Variants in MYH3 observed in about 807,000 individuals in gnomAD.
MYH3 encodes myosin-3.
A neutral mutation model predicts 238.0 loss-of-function variants in MYH3; 130 were observed. The observed-to-expected ratio is 0.55, with a 90% CI of 0.47 to 0.63. The LOEUF (loss-of-function observed/expected upper bound fraction) is 0.63, where lower values mean the gene tolerates loss of function less well. MYH3 is among the 30% of genes least tolerant of loss of function. The pLI is 0.00. For synonymous variants in MYH3, 880 were observed against 924.1 expected, an observed-to-expected ratio of 0.95 and a Z score of 0.86; for missense variants, 1,853 against 2,374.9, an observed-to-expected ratio of 0.78 and a Z score of 4.57.
the MYH3 span, chr17:10,677,736 T>A: frequency 1.3e-5 from 2 of 152,224 alleles, no homozygotes; most frequent in African/African-American, 4.8e-5. Context: ...ACAAGTGGCA[T>A]TTCTTAAAAT....
At chr17:10,672,183 C>G in the MYH3 span, among the ~76,000 whole-genome samples, 1 of 152,180 alleles carries the variant, frequency 6.6e-6, no homozygotes, top group African/African-American at 2.4e-5. Flanking sequence ...AAGAACCTAA[C>G]TTGTTTCATT....
chr17:10,642,304 C>T lies in MYH3; in HGVS notation c.1895G>A (p.Ser632Asn), dbSNP rs147810911. ...CTTCTTGGCAACTTTCTTCTTTCCACTGTCAGCTGAAAGCAATAAGGGAGG... is the reference window on the plus strand; with the variant it reads ...CTTCTTGGCAACTTTCTTCTTTCCATTGTCAGCTGAAAGCAATAAGGGAGG... ...YATFATADAD[S>N]GKKKVAKKKG... Residue 632 changes from serine (S) to asparagine (N), a missense_variant, in exon 17 of 41, where the codon AGT becomes AAT. By Grantham distance (46) the Ser-to-Asn change is conservative (BLOSUM62 1). Transcript: ENST00000583535. The surrounding 1 kb of genome is among the most constrained non-coding windows in gnomAD (Gnocchi z 5.4). 2 of 1,614,148 alleles carry T rather than the reference C, an allele frequency of 1.2e-6. No homozygotes were observed. Among genetic ancestry groups the T allele is most frequent in the African/African-American group, 1.3e-5 (1 of 75,046 alleles).
rs1567550934 is a variant in MYH3, at chr17:10,630,408, G to A, written c.5337C>T (p.His1779=). 3 of 1,614,148 alleles carry A rather than the reference G, an allele frequency of 1.9e-6. No homozygotes were observed. Among genetic ancestry groups the A allele is most frequent in the East Asian group, 4.5e-5 (2 of 44,872 alleles). Residue 1779 remains histidine (H), a synonymous_variant, in exon 37 of 41, where the codon CAC becomes CAT. Transcript: ENST00000583535. ...ELKKEQDTSA[H]LERMKKNLEQ... ...CCAGGTTCTTCTTCATCCGCTCAAG[G>A]TGGGCGCTGGTGTCCTGCTCCTTCT...
chr17:10,670,276 C>A, the MYH3 span, among the ~76,000 whole-genome samples: 3 of 152,324 alleles, frequency 2.0e-5, no homozygotes, highest in East Asian at 5.8e-4. This position sits in a 1 kb window ranked among gnomAD's most constrained non-coding sequence, Gnocchi z 7.0. Flanking sequence ...ACAACCCCTG[C>A]AGGCATCATC....
chr17:10,638,913 G>A lies in MYH3; in HGVS notation c.3299C>T (p.Thr1100Ile), dbSNP rs2074243127. 5.0e-6 allele frequency: 8 copies of A among 1,614,190 alleles called. No individual in the cohort carries two copies. The highest frequency in any genetic ancestry group is 6.8e-6 in the Non-Finnish European group (8 of 1,180,024). The change falls in exon 26 of 41, where the codon ACA (threonine) becomes ATA (isoleucine). Residue 1100 changes from threonine (T) to isoleucine (I), a missense_variant. Physicochemically the swap from Thr to Ile is moderately conservative, Grantham distance 89 (BLOSUM62 -1). Coordinates refer to ENST00000583535, the MANE Select transcript of MYH3 (RefSeq NM_002470.4). ...TTTCTTCTGAAACTGGAGGCCCAGT[G>A]TCTGCTCATCTTCCACTTTGCTTTG... Reference protein sequence around the residue: ...QLQSKVEDEQTLGLQFQKKIK... With the variant: ...QLQSKVEDEQILGLQFQKKIK...
At chr17:10,637,248 C>T (rs2074224414) in intron 28 of MYH3, among the ~76,000 whole-genome samples, 2 of 151,946 alleles carry the variant, frequency 1.3e-5, no homozygotes, top group South Asian at 2.1e-4. Flanking sequence ...TTAATAGAGA[C>T]GGGGTTTCAC....
chr17:10,632,374 C>T (rs1452396194), intron 34 of MYH3, 102 bp downstream of exon 34: 18 of 1,337,484 alleles, frequency 1.3e-5, no homozygotes, highest in Non-Finnish European at 1.9e-5. Context: ...TTGCCTCAGT[C>T]TCCCAGAGCG....
At chr17:10,659,932 T>A (rs928541747), upstream of MYH3, among the ~76,000 whole-genome samples, 1 of 152,156 alleles carries the variant, frequency 6.6e-6, no homozygotes, top group African/African-American at 2.4e-5. Context: ...AAGCTGGATA[T>A]CAGGAATCAC....
At position 10,654,856 on chromosome 17, in the gene MYH3, C is replaced by T; in HGVS notation, c.204+5G>A. ...CAGCAGCCTGTGGAGGGTACAGAGC[C>T]TTACCCTGTTGTCCTCAGTTTCCAC... On this transcript the variant is annotated splice_donor_5th_base_variant and intron_variant, in intron 3 of 40. Transcript: ENST00000583535. The surrounding 1 kb of genome is among the most constrained non-coding windows in gnomAD (Gnocchi z 4.5). 1 of 1,613,172 alleles carries T rather than the reference C, an allele frequency of 6.2e-7. No homozygotes were observed. Among genetic ancestry groups the T allele is most frequent in the Non-Finnish European group, 8.5e-7 (1 of 1,179,118 alleles).
Position 10,653,959 on chromosome 17 carries a change from G to A in MYH3, c.204+902C>T, listed in dbSNP as rs78967514. Among the ~76,000 whole-genome samples the A allele has an allele frequency of 5.8e-3, 887 of 152,098 alleles. 10 individuals are homozygous for A. The highest frequency in any genetic ancestry group is 0.02 in the African/African-American group (834 of 41,498). The stretch of plus-strand genomic sequence containing the variant: ...CCAATGCTTGGTAGCACTGCAGGGC[G>A]GTTCTTATTTTTTGGGGGGACCGAG... On this transcript the variant is annotated intron_variant, in intron 3 of 40. Coordinates refer to ENST00000583535, the MANE Select transcript of MYH3 (RefSeq NM_002470.4).
chr17:10,657,988 G>T (rs1305235546), upstream of MYH3, among the ~76,000 whole-genome samples: 2 of 152,102 alleles, frequency 1.3e-5, no homozygotes, highest in Non-Finnish European at 2.9e-5. Context: ...GGACCAGCCA[G>T]TTAAGTTAGT....
Position 10,639,136 on chromosome 17 carries a change from G to T in MYH3, c.3156C>A (p.Asn1052Lys). Residue 1052 changes from asparagine (N) to lysine (K), a missense_variant, in exon 25 of 41, where the codon AAC becomes AAA. Asn to Lys is a moderately conservative substitution (Grantham distance 94). This residue lies in a region of MYH3 where 1,044 missense variants were observed against 1,192.6 expected (regional missense o/e 0.88). Transcript: ENST00000583535. Reference protein sequence around the residue: ...EKKLRVDLERNKRKLEGDLKL... With the variant: ...EKKLRVDLERKKRKLEGDLKL... ...TCAAGTCTCCTTCCAATTTCCTTTT[G>T]TTCCTTTCCAGGTCTACTCGGAGCT... The T allele has an allele frequency of 6.2e-7, 1 of 1,614,076 alleles. No homozygotes were observed. The highest frequency in any genetic ancestry group is 8.5e-7 in the Non-Finnish European group (1 of 1,179,964).
rs2074245157 is a variant in MYH3 at position 10,639,124 on chromosome 17, C to T, written c.3168G>A (p.Leu1056=). 3.1e-6 allele frequency: 5 copies of T among 1,614,014 alleles called. No homozygotes were observed. The highest frequency in any genetic ancestry group is 1.3e-5 in the African/African-American group (1 of 74,920). Residue 1056 remains leucine (L), a synonymous_variant, in exon 25 of 41, where the codon TTG becomes TTA. Coordinates refer to ENST00000583535, the MANE Select transcript of MYH3 (RefSeq NM_002470.4). ...CTTGAGCAAGCTTCAAGTCTCCTTC[C>T]AATTTCCTTTTGTTCCTTTCCAGGT... is the stretch of plus-strand genomic sequence containing the variant. ...RVDLERNKRK[L]EGDLKLAQES...
chr17:10,656,537 C>CAAAAAAAAAAAAAAAAAAAAAAAAAAA (rs71139057), intron 1 of MYH3, among the ~76,000 whole-genome samples: 1 of 55,898 alleles, frequency 1.8e-5, no homozygotes, highest in African/African-American at 4.9e-5. Context: ...AATTCTGTCT[C>CAAAAAAAAAAAAAAAAAAAAAAAAAAA]AAAAAAAAAA....
intron 5 of MYH3, 24 bp from the exon 6 acceptor site, chr17:10,650,425 G>C (rs774062636): frequency 6.8e-6 from 11 of 1,606,850 alleles, no homozygotes; most frequent in Non-Finnish European, 8.5e-6. Context: ...AAATAAAATA[G>C]AGTTGATGGC....
intron 17 of MYH3, 136 bp from the exon 18 acceptor site, chr17:10,641,508 CTTTTT>C (rs541839271): frequency 1.9e-3 from 225 of 116,870 alleles, no homozygotes; most frequent in South Asian, 2.9e-3. Context: ...TTAACTCTGT[CTTTTT>C]TTTTTTTTTT....
chr17:10,640,692 T>C lies in MYH3; in HGVS notation c.2166-6A>G, dbSNP rs374461545. 10 of 1,613,868 alleles carry C rather than the reference T, an allele frequency of 6.2e-6. No individual in the cohort carries two copies. Among genetic ancestry groups the C allele is most frequent in the African/African-American group, 4.0e-5 (3 of 74,924 alleles). Reference sequence around the variant, plus strand: ...TGGCATTCAGCACTCGGTATCTGCATTGTAGACATGGAAATCATCACAGAC... The same window carrying C: ...TGGCATTCAGCACTCGGTATCTGCACTGTAGACATGGAAATCATCACAGAC... On this transcript the variant is annotated splice_region_variant and splice_polypyrimidine_tract_variant and intron_variant, in intron 19 of 40. Coordinates refer to ENST00000583535, the MANE Select transcript of MYH3 (RefSeq NM_002470.4).
chr17:10,651,946 T>A, intron 4 of MYH3: 1 of 424,254 alleles, frequency 2.4e-6, no homozygotes, highest in Non-Finnish European at 4.3e-6. Context: ...CTTCACCATG[T>A]TGGCCAGAAT....
At chr17:10,659,775 A>T (rs367900404), upstream of MYH3, among the ~76,000 whole-genome samples, 6 of 152,314 alleles carry the variant, frequency 3.9e-5, 1 homozygote. Flanking sequence ...TCCTTTTCAG[A>T]TGAGGAAACC....
Sources: gnomAD v4.1 joint callset for allele counts (sites outside exome capture counted in the v4.1 genomes callset) on GRCh38, gnomAD v4.1.1 for gene constraint, gnomAD v4.1.1 regional missense constraint, Gnocchi (gnomAD v3.1) non-coding constraint, MANE v1.5 for transcripts, NCBI Gene and HGNC (gene_info 2026-07-23, HGNC 2026-07-21) for gene names.